The following NKTR variants were observed in gnomAD, a reference collection of about 807,000 sequenced individuals.
NKTR encodes NK-tumor recognition protein.
Under a neutral mutation model 156.3 loss-of-function variants are expected in NKTR, and 67 were observed. The ratio of observed to expected loss-of-function variants is 0.43; its 90% CI spans 0.35 to 0.53. NKTR has a LOEUF of 0.53. Ranked by LOEUF, NKTR falls within the 20% of genes least tolerant of loss-of-function variation. The probability of loss-of-function intolerance (pLI) is 0.01; values close to 1 mark genes in which losing one functional copy is unlikely to be tolerated. For synonymous variants in NKTR, 640 were observed against 596.6 expected, an observed-to-expected ratio of 1.07 and a Z score of -1.06; for missense variants, 1,604 against 1,730.9, an observed-to-expected ratio of 0.93 and a Z score of 1.30.
chr3:42,638,364 C>CGAA lies in NKTR; in HGVS notation c.2660_2661insGAA (p.Ser887_Glu888insAsn). The CGAA allele has an allele frequency of 6.2e-7, 1 of 1,613,788 alleles. No homozygotes were observed. The highest frequency in any genetic ancestry group is 8.5e-7 in the Non-Finnish European group (1 of 1,179,906). On this transcript the variant is annotated inframe_insertion, in exon 13 of 17. Coordinates refer to ENST00000232978, the MANE Select transcript of NKTR (RefSeq NM_005385.4). ...AATTATGCTGGTAGTAAATGGGACT[C>CGAA]TGAGTCAAATTCAGAACGAGATGTC...
At chr3:42,619,268 T>G in intron 4 of NKTR, 141 bp downstream of exon 4, 1 of 1,466,452 alleles carries the variant, frequency 6.8e-7, no homozygotes, top group Non-Finnish European at 9.0e-7. Flanking sequence ...TGAGTGAATA[T>G]TATAGGTCCA....
chr3:42,635,705 G>A (rs932925356), intron 12 of NKTR, among the ~76,000 whole-genome samples: 1 of 152,022 alleles, frequency 6.6e-6, no homozygotes, highest in Non-Finnish European at 1.5e-5. Flanking sequence ...GGATCACGAG[G>A]TCAGGAGATT....
intron 5 of NKTR, chr3:42,620,503 A>G: frequency 1.0e-6 from 1 of 982,914 alleles, no homozygotes; most frequent in East Asian, 1.1e-4. Context: ...GTGTTATAAT[A>G]GTCTTTTATA....
At chr3:42,645,785 A>T in intron 16 of NKTR, 103 bp from the exon 17 acceptor site, 1 of 657,656 alleles carries the variant, frequency 1.5e-6, no homozygotes, top group Non-Finnish European at 2.6e-6. Context: ...GCTTGAAAAC[A>T]CTATTGATGT....
In NKTR at chr3:42,637,798, G is replaced by T. The variant is rs896691368; in HGVS notation, c.2094G>T (p.Arg698Ser). Residue 698 changes from arginine (R) to serine (S), a missense_variant, in exon 13 of 17, where the codon AGG becomes AGT. Arg to Ser is a moderately radical substitution (Grantham distance 110). Transcript: ENST00000232978. ...CAAGGTCAAGGAGCAGATCTTCTAGGAGTAGATCTTATTCCAGATCATATA... is the reference window on the plus strand; with the variant it reads ...CAAGGTCAAGGAGCAGATCTTCTAGTAGTAGATCTTATTCCAGATCATATA... ...SSPRSRSRSS[R>S]SRSYSRSYTR... 3 of 1,613,738 alleles carry T rather than the reference G, an allele frequency of 1.9e-6. No homozygotes were observed. The highest frequency in any genetic ancestry group is 2.5e-6 in the Non-Finnish European group (3 of 1,179,784).
chr3:42,628,573 C>T (rs1708604147), intron 6 of NKTR: 1 of 985,420 alleles, frequency 1.0e-6, no homozygotes, highest in East Asian at 1.1e-4. Flanking sequence ...TTCCCCAATA[C>T]TGCAGGATCT....
At chr3:42,640,963 A>G (rs1264597119) in intron 13 of NKTR, among the ~76,000 whole-genome samples, 1 of 152,162 alleles carries the variant, frequency 6.6e-6, no homozygotes, top group Non-Finnish European at 1.5e-5. Context: ...GCTCTGAGCT[A>G]TTCGTGATGC....
chr3:42,645,545 G>A (rs539435418), intron 16 of NKTR, among the ~76,000 whole-genome samples: 1 of 152,098 alleles, frequency 6.6e-6, no homozygotes, highest in African/African-American at 2.4e-5. Flanking sequence ...TTAGCTGGGC[G>A]TGGTGGCGGG....
rs776110289 is a variant in NKTR at position 42,639,448 on chromosome 3, T to C, written c.3744T>C (p.Val1248=). ...PNAATSSAVE[V]KVLTTVPEMK... ...CTGCCACATCCAGTGCTGTGGAAGTTAAGGTGTTGACCACTGTGCCTGAAA... is the reference window on the plus strand; with the variant it reads ...CTGCCACATCCAGTGCTGTGGAAGTCAAGGTGTTGACCACTGTGCCTGAAA... The change falls in exon 13 of 17, where the codon GTT becomes GTC. Residue 1248 remains valine, a synonymous_variant. Transcript: ENST00000232978. 9.3e-6 allele frequency: 15 copies of C among 1,614,160 alleles called. No individual in the cohort carries two copies. Among genetic ancestry groups the C allele is most frequent in the Non-Finnish European group, 1.2e-5 (14 of 1,180,018 alleles).
In NKTR at chr3:42,638,057, T is replaced by A; in HGVS notation, c.2353T>A (p.Tyr785Asn). ...CTCTGAAAAGACACTTCACAGTAAA[T>A]ATGTCAAAGGTAGAGACAGGTCTTC... is the stretch of plus-strand genomic sequence containing the variant. The part of the protein sequence containing the change: ...SSSEKTLHSK[Y>N]VKGRDRSSCV... Residue 785 changes from tyrosine to asparagine, a missense_variant, in exon 13 of 17, where the codon TAT (tyrosine) becomes AAT (asparagine). Physicochemically the swap from Tyr to Asn is moderately radical, Grantham distance 143. Transcript: ENST00000232978. The A allele has an allele frequency of 6.2e-7, 1 of 1,614,046 alleles. No individual in the cohort carries two copies. Among genetic ancestry groups the A allele is most frequent in the South Asian group, 1.1e-5 (1 of 91,076 alleles).
At chr3:42,634,730 A>T in intron 11 of NKTR, 30 bp downstream of exon 11, 1 of 1,238,720 alleles carries the variant, frequency 8.1e-7, no homozygotes, top group Non-Finnish European at 1.1e-6. Flanking sequence ...TTTTGATATT[A>T]TGTATCTAAT....
Position 42,639,458 on chromosome 3 carries a change from A to T in NKTR, c.3754A>T (p.Thr1252Ser), listed in dbSNP as rs1292160083. ...TSSAVEVKVL[T>S]TVPEMKPQGL... ...CAGTGCTGTGGAAGTTAAGGTGTTG[A>T]CCACTGTGCCTGAAATGAAACCACA... Residue 1252 changes from threonine to serine, a missense_variant, in exon 13 of 17, where the codon ACC (threonine) becomes TCC (serine). Physicochemically the swap from Thr to Ser is moderately conservative, Grantham distance 58 (BLOSUM62 1). Around this residue, in one of 6 missense-constraint regions of NKTR, gnomAD observed 1,255 missense variants for 1,243.7 expected, o/e 1.01. Coordinates refer to ENST00000232978, the MANE Select transcript of NKTR (RefSeq NM_005385.4). 6.2e-7 allele frequency: 1 copy of T among 1,614,118 alleles called. No homozygotes were observed. The highest frequency in any genetic ancestry group is 1.3e-5 in the African/African-American group (1 of 74,940).
chr3:42,635,057 T>TAAAAAAAAAAAAAAAAAAAAAAAAAAA (rs58779310), intron 11 of NKTR, 164 bp from the exon 12 acceptor site: 1 of 273,634 alleles, frequency 3.7e-6, no homozygotes, highest in African/African-American at 2.4e-5. Flanking sequence ...AGTTAAAAAC[T>TAAAAAAAAAAAAAAAAAAAAAAAAAAA]AAAAAAAAAA....
At chr3:42,639,787 G>GAAGAA in intron 13 of NKTR, 37 bp downstream of exon 13, 1 of 1,389,302 alleles carries the variant, frequency 7.2e-7, no homozygotes, top group Non-Finnish European at 1.0e-6. Flanking sequence ...CTCCCAAGGA[G>GAAGAA]AGTCTGTTAT....
chr3:42,642,679 A>G (rs1351978502), intron 14 of NKTR, 83 bp downstream of exon 14: 3 of 946,538 alleles, frequency 3.2e-6, no homozygotes, highest in Non-Finnish European at 5.2e-6. Flanking sequence ...GTAGTTGTTG[A>G]GAAGAATCAT....
In NKTR at chr3:42,643,977, A is replaced by G; in HGVS notation, c.4275A>G (p.Arg1425=). 6.2e-7 allele frequency: 1 copy of G among 1,614,028 alleles called. No homozygotes were observed. The highest frequency in any genetic ancestry group is 8.5e-7 in the Non-Finnish European group (1 of 1,179,936). ...GCCAGAGAAGTGACAGTTACCACCG[A>G]GGCAGAAGTTATAATCGGCGGTCCA... ...SRSQRSDSYH[R]GRSYNRRSRS... The change falls in exon 16 of 17, where the codon CGA becomes CGG. Residue 1425 remains arginine, a synonymous_variant. Coordinates refer to ENST00000232978, the MANE Select transcript of NKTR (RefSeq NM_005385.4).
intron 6 of NKTR, among the ~76,000 whole-genome samples, chr3:42,624,647 C>CGTAT (rs1708212185): frequency 6.6e-6 from 1 of 152,050 alleles, no homozygotes. Flanking sequence ...AAGAATGCTG[C>CGTAT]ATACTTATTC....
chr3:42,608,597 A>G (rs1421918756), intron 2 of NKTR, among the ~76,000 whole-genome samples: 1 of 152,136 alleles, frequency 6.6e-6, no homozygotes, highest in Non-Finnish European at 1.5e-5. Context: ...TGTATGATCA[A>G]TTATTTCATC....
intron 5 of NKTR, 160 bp downstream of exon 5, chr3:42,619,868 T>C: frequency 7.1e-7 from 1 of 1,413,876 alleles, no homozygotes; most frequent in Non-Finnish European, 9.2e-7. Context: ...GGATAAATTA[T>C]ATTGTAATAT....
Sources: allele counts gnomAD v4.1 joint callset (sites outside exome capture counted in the v4.1 genomes callset), GRCh38; gene constraint gnomAD v4.1.1; regional missense constraint gnomAD v4.1.1; transcripts MANE v1.5; gene names NCBI Gene and HGNC (gene_info 2026-07-23, HGNC 2026-07-21).